Variants in BLTP3B observed in about 807,000 individuals in gnomAD.
BLTP3B encodes UHRF1 (ICBP90) binding protein 1-like.
At chr12:100,113,110 G>A in the BLTP3B span, among the ~76,000 whole-genome samples, 2 of 152,058 alleles carry the variant, frequency 1.3e-5, no homozygotes, top group Non-Finnish European at 2.9e-5. Context: ...GGTCGAGGTT[G>A]CAGTGAACCA....
At chr12:100,094,752 C>CG in the BLTP3B span, among the ~76,000 whole-genome samples, 2 of 152,076 alleles carry the variant, frequency 1.3e-5, no homozygotes, top group African/African-American at 2.4e-5. Context: ...CCCAGCTACG[C>CG]GGGGGGCTGA....
At chr12:100,074,087 G>A in the BLTP3B span, among the ~76,000 whole-genome samples, 21 of 152,176 alleles carry the variant, frequency 1.4e-4, no homozygotes, top group South Asian at 4.1e-4. Context: ...ATTTCTCTTC[G>A]CTGACAATAT....
the BLTP3B span, among the ~76,000 whole-genome samples, chr12:100,135,281 C>CTTTTTTTTTTTTTTTTTTTTTTTTT: frequency 7.1e-6 from 1 of 141,226 alleles, no homozygotes; most frequent in African/African-American, 2.8e-5. Context: ...TTCTTTCTTT[C>CTTTTTTTTTTTTTTTTTTTTTTTTT]TTTTTTTTTT....
At chr12:100,067,489 A>G in the BLTP3B span, among the ~76,000 whole-genome samples, 1 of 152,198 alleles carries the variant, frequency 6.6e-6, no homozygotes, top group Admixed American at 6.5e-5. Context: ...GTTCAGTAAG[A>G]AACAAAACAG....
chr12:100,072,806 G>A, the BLTP3B span: 1 of 1,587,228 alleles, frequency 6.3e-7, no homozygotes, highest in Non-Finnish European at 8.5e-7. Flanking sequence ...TTGTTCCGCT[G>A]TAGAGACCTG....
chr12:100,136,393 A>G, the BLTP3B span, among the ~76,000 whole-genome samples: 6 of 152,294 alleles, frequency 3.9e-5, no homozygotes, highest in Non-Finnish European at 1.5e-5. Context: ...CAATTTAGAA[A>G]TAGGTTACAG....
At chr12:100,085,531 A>C in the BLTP3B span, among the ~76,000 whole-genome samples, 1 of 152,192 alleles carries the variant, frequency 6.6e-6, no homozygotes, top group African/African-American at 2.4e-5. Flanking sequence ...TGAAAAAAAA[A>C]TCATACAACT....
chr12:100,142,764 CCCAAGGCCCCGG>C, the BLTP3B span: 16 of 1,382,622 alleles, frequency 1.2e-5, no homozygotes, highest in Non-Finnish European at 1.3e-5. Context: ...CCGGGAGAGA[CCCAAGGCCCCGG>C]CCAAGGCCAC....
chr12:100,089,222 T>C, the BLTP3B span: 165 of 779,434 alleles, frequency 2.1e-4, 1 homozygote, highest in Non-Finnish European at 2.8e-4. Context: ...TCATCAATAA[T>C]ATATTTTCCC....
chr12:100,114,744 T>G, the BLTP3B span, among the ~76,000 whole-genome samples: 2 of 152,228 alleles, frequency 1.3e-5, no homozygotes, highest in African/African-American at 4.8e-5. Context: ...TAAGTTATTA[T>G]CTGTAACTAA....
chr12:100,065,835 TCTC>T, the BLTP3B span, among the ~76,000 whole-genome samples: 1 of 152,172 alleles, frequency 6.6e-6, no homozygotes, highest in Admixed American at 6.5e-5. Flanking sequence ...TGATCTTTGT[TCTC>T]CTTTTTGCCC....
the BLTP3B span, among the ~76,000 whole-genome samples, chr12:100,140,336 A>T: frequency 6.6e-6 from 1 of 151,380 alleles, no homozygotes; most frequent in African/African-American, 2.4e-5. Context: ...TGTCCCAAAA[A>T]CTCATCTCTG....
the BLTP3B span, among the ~76,000 whole-genome samples, chr12:100,096,242 AAACTCT>A: frequency 6.6e-6 from 1 of 151,966 alleles, no homozygotes; most frequent in Admixed American, 6.6e-5. Flanking sequence ...TGACAGAGAG[AAACTCT>A]GTCTCAAAAA....
At chr12:100,076,530 A>G in the BLTP3B span, among the ~76,000 whole-genome samples, 9 of 151,856 alleles carry the variant, frequency 5.9e-5, 1 homozygote, top group African/African-American at 1.9e-4. Context: ...AGTAGCTGGG[A>G]CTATAGGCAT....
the BLTP3B span, among the ~76,000 whole-genome samples, chr12:100,080,753 A>G: frequency 6.9e-6 from 1 of 144,890 alleles, no homozygotes; most frequent in African/African-American, 2.5e-5. Context: ...AAATGAGTTA[A>G]AACTTTGGGG....
chr12:100,089,033 A>C, the BLTP3B span: 1 of 1,611,260 alleles, frequency 6.2e-7, no homozygotes, highest in Non-Finnish European at 8.5e-7. Context: ...CATCATTTAC[A>C]TCAGGAGCAT....
At chr12:100,086,927 G>A in the BLTP3B span, among the ~76,000 whole-genome samples, 3 of 152,104 alleles carry the variant, frequency 2.0e-5, no homozygotes, top group Non-Finnish European at 1.5e-5. Context: ...TTGGGAGGCC[G>A]AGGCGGGTGG....
the BLTP3B span, among the ~76,000 whole-genome samples, chr12:100,050,627 A>G: frequency 1.3e-5 from 2 of 152,272 alleles, no homozygotes; most frequent in Non-Finnish European, 2.9e-5. Context: ...AGCTTGGGCA[A>G]CACAGTGAGA....
chr12:100,090,458 A>G, the BLTP3B span, among the ~76,000 whole-genome samples: 1 of 152,198 alleles, frequency 6.6e-6, no homozygotes, highest in African/African-American at 2.4e-5. Flanking sequence ...TAATAATTAT[A>G]AGACCAAATT....
Sources: allele counts gnomAD v4.1 joint callset (sites outside exome capture counted in the v4.1 genomes callset), GRCh38; gene constraint gnomAD v4.1.1; transcripts MANE v1.5; gene names NCBI Gene and HGNC (gene_info 2026-07-23, HGNC 2026-07-21).